Variants in HM13 observed in about 807,000 individuals in gnomAD.
HM13 encodes the protein signal peptide peptidase.
A neutral mutation model predicts 50.0 loss-of-function variants in HM13; 18 were observed. The ratio of observed to expected loss-of-function variants is 0.36; its 90% CI spans 0.25 to 0.53. The LOEUF is 0.53. HM13 is among the 20% of genes least tolerant of loss of function. HM13 has a pLI of 0.90. For missense variants in HM13, 393 were observed against 552.4 expected (o/e 0.71, Z 2.89); for synonymous variants, 197 against 232.6 (o/e 0.85, Z 1.39).
chr20:31,521,969 C>T (rs1982192007), intron 1 of HM13, among the ~76,000 whole-genome samples: 1 of 149,982 alleles, frequency 6.7e-6, no homozygotes, highest in Middle Eastern at 3.2e-3. Context: ...GCTGGGATTA[C>T]AGTCCAGTCT....
chr20:31,547,944 C>G (rs1983816689), intron 4 of HM13: 1 of 1,384,662 alleles, frequency 7.2e-7, no homozygotes, highest in Non-Finnish European at 1.0e-6. Flanking sequence ...GTGTTGGGGT[C>G]ATGAAGATGT....
chr20:31,529,931 C>T (rs1419960800), intron 2 of HM13, among the ~76,000 whole-genome samples: 1 of 151,650 alleles, frequency 6.6e-6, no homozygotes, highest in Non-Finnish European at 1.5e-5. Context: ...GGTGCCACTG[C>T]ACTTCAGCCT....
At position 31,546,511 on chromosome 20, in the gene HM13, G is replaced by A. The variant is rs553296147; in HGVS notation, c.454+1476G>A. Among the ~76,000 whole-genome samples, 279 of 152,084 alleles carry A rather than the reference G, an allele frequency of 1.8e-3. 2 individuals carry two copies. The highest frequency in any genetic ancestry group is 6.6e-3 in the African/African-American group (275 of 41,486). ...TGGCTCACGCCTCCCAGCACTTTGG[G>A]AGGCTGAGGCAGGCGGATGACTTGA... On this transcript the variant is annotated intron_variant, in intron 4 of 12. Transcript: ENST00000398174.
intron 1 of HM13, among the ~76,000 whole-genome samples, chr20:31,516,037 G>A (rs1600603401): frequency 6.6e-6 from 1 of 152,242 alleles, no homozygotes; most frequent in South Asian, 2.1e-4. Flanking sequence ...CTCTGTATGC[G>A]ATCAGATGCA....
intron 9 of HM13, among the ~76,000 whole-genome samples, chr20:31,560,765 A>G (rs1984556443): frequency 6.6e-6 from 1 of 152,254 alleles, no homozygotes; most frequent in South Asian, 2.1e-4. Context: ...TCAGTGCAAC[A>G]TTCCCAAAGG....
chr20:31,534,930 A>G (rs1354860879), intron 2 of HM13, among the ~76,000 whole-genome samples: 1 of 152,124 alleles, frequency 6.6e-6, no homozygotes, highest in Non-Finnish European at 1.5e-5. Context: ...TAAACAAAAT[A>G]CAAAAATTAG....
At chr20:31,541,738 G>A (rs1363353337) in intron 3 of HM13, 1 of 152,206 alleles carries the variant, frequency 6.6e-6, no homozygotes, top group Non-Finnish European at 1.5e-5. Flanking sequence ...ATTAAATCGA[G>A]TTTTCTTAAA....
intron 2 of HM13, among the ~76,000 whole-genome samples, chr20:31,528,312 C>T (rs376570307): frequency 7.8e-4 from 119 of 152,166 alleles, no homozygotes; most frequent in African/African-American, 2.6e-3. Context: ...TATCTCATTT[C>T]GGGCTTTTTA....
At chr20:31,549,453 G>T in intron 6 of HM13, 121 bp downstream of exon 6, 1 of 1,268,420 alleles carries the variant, frequency 7.9e-7, no homozygotes, top group Non-Finnish European at 1.1e-6. Context: ...CTGAAGTTCC[G>T]GACCGCAGAG....
intron 2 of HM13, among the ~76,000 whole-genome samples, chr20:31,529,687 G>A (rs1280787227): frequency 6.6e-6 from 1 of 152,194 alleles, no homozygotes; most frequent in Non-Finnish European, 1.5e-5. Flanking sequence ...AAGCCGAGGT[G>A]GGTGGATCAT....
chr20:31,566,974 C>T (rs1195008417), intron 11 of HM13, among the ~76,000 whole-genome samples: 3 of 152,112 alleles, frequency 2.0e-5, no homozygotes, highest in Admixed American at 6.5e-5. Flanking sequence ...GCTGCCTACT[C>T]GGGTGCCTTC....
Position 31,527,492 on chromosome 20 carries a change from A to G in HM13, c.192A>G (p.Ser64=). ...SVRCARGKNA[S]DMPETITSRD... ...ATTCTTCTCTCCTCTAGAATGCTTC[A>G]GACATGCCTGAAACAATCACCAGCC... is the stretch of plus-strand genomic sequence containing the variant. The change falls in exon 2 of 13, where the codon TCA becomes TCG. Residue 64 remains serine (S), a synonymous_variant. Coordinates refer to ENST00000398174, the MANE Select transcript of HM13 (RefSeq NM_178581.3). 1.9e-6 allele frequency: 3 copies of G among 1,613,522 alleles called. No individual in the cohort carries two copies. Among genetic ancestry groups the G allele is most frequent in the Non-Finnish European group, 2.5e-6 (3 of 1,179,442 alleles).
Position 31,514,820 on chromosome 20 carries a change from CTCCCCGGACACTGA to C in HM13, c.183+87_183+100del. 8.1e-7 allele frequency: 1 copy of C among 1,241,274 alleles called. No homozygotes were observed. The highest frequency in any genetic ancestry group is 1.1e-6 in the Non-Finnish European group (1 of 919,610). The allele number at this position is 1,241,274 out of a possible 1,614,324, so 76.9% of individuals were successfully genotyped here. On this transcript the variant is annotated intron_variant, in intron 1 of 12. Transcript: ENST00000398174. This position sits in a 1 kb window ranked among gnomAD's most constrained non-coding sequence, Gnocchi z 4.3. ...CCCTTCCTAGGCGGGACAGACACCT[CTCCCCGGACACTGA>C]CTCTTCCCAGCCCTGATCACCACCG...
In HM13 at chr20:31,566,310, G is replaced by A; in HGVS notation, c.1034+15G>A. Reference sequence around the variant, plus strand: ...GAGATGTTCAGGTAAGGCAGAGTGGGGGGCAGATGTCCTCATGGGCACCAG... The same window carrying A: ...GAGATGTTCAGGTAAGGCAGAGTGGAGGGCAGATGTCCTCATGGGCACCAG... On this transcript the variant is annotated intron_variant, in intron 11 of 12. Transcript: ENST00000398174. 2.5e-6 allele frequency: 4 copies of A among 1,605,732 alleles called. No individual in the cohort carries two copies. The South Asian group carries it at 3.3e-5, about 13-fold the overall frequency.
chr20:31,522,465 G>A (rs1198571756), intron 1 of HM13, among the ~76,000 whole-genome samples: 1 of 151,860 alleles, frequency 6.6e-6, no homozygotes, highest in East Asian at 1.9e-4. Context: ...AGGAGGCCGA[G>A]GCAGAGAATC....
chr20:31,556,838 G>A (rs1446454868), intron 8 of HM13, among the ~76,000 whole-genome samples: 1 of 152,072 alleles, frequency 6.6e-6, no homozygotes, highest in East Asian at 1.9e-4. Context: ...GGCTAACATG[G>A]TGAAACCCCG....
In HM13 at chr20:31,550,464, G is replaced by A. The variant is rs1363266402; in HGVS notation, c.724+343G>A. On this transcript the variant is annotated intron_variant, in intron 7 of 12. Coordinates refer to ENST00000398174, the MANE Select transcript of HM13 (RefSeq NM_178581.3). The stretch of plus-strand genomic sequence containing the variant: ...CGAGACCCCTCACTGGGGTCCCCTT[G>A]GCACCTGAGTGTCGGGTGCTGTCTA... 5 of 255,832 alleles carry A rather than the reference G, an allele frequency of 2.0e-5. No homozygotes were observed. The East Asian group carries it at 4.1e-4, about 21-fold the overall frequency. 15.8% of individuals were successfully genotyped at this position (255,832 alleles called of 1,614,324 possible). A position where few individuals can be genotyped will look rare whatever the true frequency, so the allele number is the denominator to read the frequency against.
At position 31,549,124 on chromosome 20, in the gene HM13, C is replaced by T; in HGVS notation, c.540+10C>T. 2.5e-6 allele frequency: 4 copies of T among 1,613,846 alleles called. No individual in the cohort carries two copies. The highest frequency in any genetic ancestry group is 3.4e-6 in the Non-Finnish European group (4 of 1,179,788). ...GTACCTGCTGAGGAAGGTGAGTAGT[C>T]AGGACCTGGGCAGAAGGGGAGGATG... On this transcript the variant is annotated intron_variant, in intron 5 of 12. Coordinates refer to ENST00000398174, the MANE Select transcript of HM13 (RefSeq NM_178581.3).
At chr20:31,552,889 A>C (rs563640695) in intron 7 of HM13, among the ~76,000 whole-genome samples, 1 of 152,264 alleles carries the variant, frequency 6.6e-6, no homozygotes, top group African/African-American at 2.4e-5. Flanking sequence ...ACCTCTGTGT[A>C]CCTGTTGTTG....
Sources: allele counts gnomAD v4.1 joint callset (sites outside exome capture counted in the v4.1 genomes callset), GRCh38; gene constraint gnomAD v4.1.1; non-coding constraint Gnocchi (gnomAD v3.1); transcripts MANE v1.5; gene names NCBI Gene and HGNC (gene_info 2026-07-23, HGNC 2026-07-21).